The following PRKN variants were observed in gnomAD, a reference collection of about 807,000 sequenced individuals.
PRKN encodes E3 ubiquitin-protein ligase parkin.
In PRKN, 56 loss-of-function variants were observed where a neutral mutation model predicts 59.5. The observed-to-expected ratio is 0.94, with a 90% CI of 0.76 to 1.18. PRKN has a LOEUF of 1.18. Among genes scored for constraint, PRKN ranks in the 50% most tolerant of loss-of-function variants. PRKN has a pLI of 0.00. For missense variants in PRKN, 657 were observed against 596.4 expected (o/e 1.10, Z -1.06); for synonymous variants, 250 against 222.1 (o/e 1.13, Z -1.12).
At chr6:162,628,783 T>C (rs757694249) in intron 1 of PRKN, among the ~76,000 whole-genome samples, 12 of 152,272 alleles carry the variant, frequency 7.9e-5, no homozygotes, top group Admixed American at 1.3e-4. Flanking sequence ...TAAGGTCTAA[T>C]GAATGCTTTA....
At chr6:161,981,535 C>T (rs775017176) in intron 5 of PRKN, among the ~76,000 whole-genome samples, 4 of 151,980 alleles carry the variant, frequency 2.6e-5, no homozygotes, top group Non-Finnish European at 4.4e-5. Flanking sequence ...AGAAACTCCA[C>T]AAAAACAAAC....
At chr6:162,285,103 AC>A (rs1413478923) in intron 2 of PRKN, among the ~76,000 whole-genome samples, 1 of 152,112 alleles carries the variant, frequency 6.6e-6, no homozygotes, top group Non-Finnish European at 1.5e-5. Context: ...CCCTACTGAC[AC>A]CTTGACTTTG....
intron 7 of PRKN, among the ~76,000 whole-genome samples, chr6:161,688,406 T>G (rs76736636): frequency 6.6e-6 from 1 of 152,374 alleles, no homozygotes; most frequent in African/African-American, 2.4e-5. Flanking sequence ...CTCTCATGTT[T>G]GGACATTCCT....
chr6:162,640,852 A>G (rs1415075027), intron 1 of PRKN, among the ~76,000 whole-genome samples: 3 of 152,204 alleles, frequency 2.0e-5, no homozygotes, highest in Non-Finnish European at 2.9e-5. Context: ...TATAAACTCT[A>G]GCCTGAAGCT....
At chr6:161,555,599 CTCT>C (rs1333785501) in intron 8 of PRKN, among the ~76,000 whole-genome samples, 1 of 151,910 alleles carries the variant, frequency 6.6e-6, no homozygotes, top group Non-Finnish European at 1.5e-5. Context: ...TCCTTTTTTT[CTCT>C]TCTATTTTGA....
rs550456077 is a variant in PRKN at position 162,218,215 on chromosome 6, C to T, written c.413-16963G>A. ...GCGGTGCTGACCAGGCCGCTCCCTG[C>T]GGAAGCCCCTCTGGGGAAGGACACT... On this transcript the variant is annotated intron_variant, in intron 3 of 11. Transcript: ENST00000366898. 2.0e-4 allele frequency among the ~76,000 whole-genome samples: 30 copies of T among 152,294 alleles called. No individual in the cohort carries two copies. In the East Asian group the frequency reaches 5.8e-3, roughly 29 times the overall value.
chr6:162,068,754 A>T (rs1401787910), intron 4 of PRKN, among the ~76,000 whole-genome samples: 1 of 149,654 alleles, frequency 6.7e-6, no homozygotes, highest in Non-Finnish European at 1.5e-5. Context: ...GGTCAGGGAA[A>T]TCAAATCACT....
In PRKN at chr6:161,550,280, T is replaced by C. The variant is rs914091402; in HGVS notation, c.934-1277A>G. On this transcript the variant is annotated intron_variant, in intron 8 of 11. Transcript: ENST00000366898. This position sits in a 1 kb window ranked among gnomAD's most constrained non-coding sequence, Gnocchi z 4.0. The stretch of plus-strand genomic sequence containing the variant: ...TGAGGATCTAGAATATGTAGTTCCC[T>C]GACAGCTGCTTTCAGAACCCTGGGT... 5.9e-5 allele frequency among the ~76,000 whole-genome samples: 9 copies of C among 152,198 alleles called. No individual in the cohort carries two copies. The highest frequency in any genetic ancestry group is 1.7e-4 in the African/African-American group (7 of 41,440).
chr6:162,074,633 A>AT (rs1778737357), intron 4 of PRKN, among the ~76,000 whole-genome samples: 1 of 70,354 alleles, frequency 1.4e-5, no homozygotes, highest in South Asian at 4.2e-4. Context: ...GTATATATAT[A>AT]AAAAAAAGTC....
At chr6:161,897,900 G>A (rs1191511698) in intron 6 of PRKN, among the ~76,000 whole-genome samples, 2 of 131,640 alleles carry the variant, frequency 1.5e-5, no homozygotes, top group African/African-American at 2.9e-5. Flanking sequence ...CCGGGAGGCG[G>A]AGCTTGCAGT....
In PRKN at chr6:162,468,192, G is replaced by A. The variant is rs570818302; in HGVS notation, c.8-24719C>T. On this transcript the variant is annotated intron_variant, in intron 1 of 11. Transcript: ENST00000366898. ...GGAAATTGCTCCATATATAACAACC[G>A]AATCAATAAATAGAACATTCTCCCT... Among the ~76,000 whole-genome samples the A allele has an allele frequency of 2.9e-4, 44 of 152,274 alleles. No individual in the cohort carries two copies. In the South Asian group the frequency reaches 5.8e-3, roughly 20 times the overall value.
intron 5 of PRKN, among the ~76,000 whole-genome samples, chr6:162,014,420 T>C (rs953520982): frequency 2.0e-5 from 3 of 152,132 alleles, no homozygotes; most frequent in Admixed American, 6.5e-5. Context: ...TGCAGAGGCC[T>C]CCTTCCAGGA....
chr6:162,074,804 G>A (rs897363234), intron 4 of PRKN, among the ~76,000 whole-genome samples: 21 of 152,180 alleles, frequency 1.4e-4, no homozygotes, highest in South Asian at 4.2e-4. Context: ...CCAACAACGC[G>A]TTTCCCCCTT....
At chr6:161,422,074 A>T (rs73023245) in intron 9 of PRKN, among the ~76,000 whole-genome samples, 10,863 of 152,248 alleles carry the variant, frequency 0.071, 553 homozygotes, top group South Asian at 0.21. Context: ...ACTCCAAGAA[A>T]TCATTTGAGA....
In PRKN at chr6:161,577,679, C is replaced by G. The variant is rs1030927478; in HGVS notation, c.872-8263G>C. ...GAAGATGCGAAGTATCTTTTAGGAG[C>G]TCAGCATAGTGTGTATGAAGCTCAG... On this transcript the variant is annotated intron_variant, in intron 7 of 11. Transcript: ENST00000366898. Among the ~76,000 whole-genome samples the G allele has an allele frequency of 2.6e-5, 4 of 152,166 alleles. No individual in the cohort carries two copies. The South Asian group carries it at 6.2e-4, about 24-fold the overall frequency.
intron 1 of PRKN, among the ~76,000 whole-genome samples, chr6:162,511,324 CTACT>C (rs1777606819): frequency 6.6e-6 from 1 of 151,794 alleles, no homozygotes; most frequent in Non-Finnish European, 1.5e-5. Context: ...GCAATTATGC[CTACT>C]TATAGACATT....
chr6:162,473,220 A>T (rs1791844328), intron 1 of PRKN, among the ~76,000 whole-genome samples: 1 of 152,164 alleles, frequency 6.6e-6, no homozygotes, highest in Non-Finnish European at 1.5e-5. Flanking sequence ...TGGATATTTC[A>T]AGTATGGAAG....
At chr6:161,370,916 C>G (rs1246178228) in intron 10 of PRKN, among the ~76,000 whole-genome samples, 1 of 152,206 alleles carries the variant, frequency 6.6e-6, no homozygotes, top group African/African-American at 2.4e-5. Context: ...AACACTGAAA[C>G]CTTCCACCTT....
At chr6:161,979,357 A>C (rs751539336) in intron 5 of PRKN, among the ~76,000 whole-genome samples, 5 of 152,044 alleles carry the variant, frequency 3.3e-5, no homozygotes, top group African/African-American at 1.2e-4. Context: ...ACTGCAACCT[A>C]CGCCTCCCAG....
Sources: gnomAD v4.1 joint callset for allele counts (sites outside exome capture counted in the v4.1 genomes callset) on GRCh38, gnomAD v4.1.1 for gene constraint, Gnocchi (gnomAD v3.1) non-coding constraint, MANE v1.5 for transcripts, NCBI Gene and HGNC (gene_info 2026-07-23, HGNC 2026-07-21) for gene names.